ZCCHC14: variants seen among roughly 807,000 people sequenced by gnomAD.
ZCCHC14 encodes the protein zinc finger CCHC domain-containing protein 14.
In ZCCHC14, 16 loss-of-function variants were observed where a neutral mutation model predicts 85.0. The observed-to-expected ratio is 0.19, with a 90% CI of 0.13 to 0.29. ZCCHC14 has a LOEUF of 0.29. Ranked by LOEUF, ZCCHC14 falls within the 10% of genes least tolerant of loss-of-function variation. The pLI, the probability that ZCCHC14 is intolerant of heterozygous loss-of-function variation, is 1.00. For synonymous variants in ZCCHC14, 775 were observed against 630.7 expected, an observed-to-expected ratio of 1.23 and a Z score of -3.43; for missense variants, 1,303 against 1,443.5, an observed-to-expected ratio of 0.90 and a Z score of 1.58.
At chr16:87,471,695 C>T (rs1911780141) in intron 1 of ZCCHC14, 1 of 152,268 alleles carries the variant, frequency 6.6e-6, no homozygotes, top group Non-Finnish European at 1.5e-5. Context: ...CCAACACACC[C>T]AGAATCCCTG....
intron 1 of ZCCHC14, among the ~76,000 whole-genome samples, chr16:87,460,372 G>C (rs545483860): frequency 6.6e-5 from 10 of 152,246 alleles, no homozygotes; most frequent in Admixed American, 2.0e-4. Context: ...TGTGGCTGGG[G>C]TTCATCGGGT....
intron 3 of ZCCHC14, among the ~76,000 whole-genome samples, chr16:87,424,225 G>A (rs77210016): frequency 0.015 from 2,293 of 152,322 alleles, 29 homozygotes; most frequent in Non-Finnish European, 0.025. Context: ...CTTCTTAAGT[G>A]AGCCTATGTG....
At chr16:87,414,613 G>C in intron 9 of ZCCHC14, 72 bp from the exon 10 acceptor site, 1 of 1,529,872 alleles carries the variant, frequency 6.5e-7, no homozygotes, top group Non-Finnish European at 8.8e-7. Flanking sequence ...GCTTCAAGAC[G>C]GGTCTACTCC....
intron 7 of ZCCHC14, among the ~76,000 whole-genome samples, chr16:87,418,294 T>G (rs1318572011): frequency 6.6e-6 from 1 of 152,220 alleles, no homozygotes; most frequent in Non-Finnish European, 1.5e-5. Context: ...ACTCTGGCCT[T>G]GCTCCTTAAC....
intron 2 of ZCCHC14, among the ~76,000 whole-genome samples, chr16:87,445,699 C>T (rs955042972): frequency 6.6e-6 from 1 of 152,132 alleles, no homozygotes; most frequent in Non-Finnish European, 1.5e-5. Flanking sequence ...GATGACGCGC[C>T]GACCTGAGAA....
chr16:87,411,453 C>CA, intron 12 of ZCCHC14, 63 bp downstream of exon 12: 3 of 1,567,426 alleles, frequency 1.9e-6, no homozygotes, highest in Non-Finnish European at 2.6e-6. Context: ...TTCATAAAAA[C>CA]CAAGCATTTG....
At chr16:87,464,530 C>T (rs1453505873) in intron 1 of ZCCHC14, among the ~76,000 whole-genome samples, 2 of 152,150 alleles carry the variant, frequency 1.3e-5, no homozygotes, top group Non-Finnish European at 2.9e-5. Flanking sequence ...GCTGTAGGTC[C>T]GTCTGCCACA....
chr16:87,416,962 A>G (rs1205436405), intron 8 of ZCCHC14, among the ~76,000 whole-genome samples: 2 of 152,228 alleles, frequency 1.3e-5, no homozygotes, highest in Non-Finnish European at 2.9e-5. Flanking sequence ...TATGGGTTTA[A>G]TCTAGTTTTA....
chr16:87,453,933 G>A (rs1219684537), intron 2 of ZCCHC14, among the ~76,000 whole-genome samples: 1 of 152,154 alleles, frequency 6.6e-6, no homozygotes, highest in Non-Finnish European at 1.5e-5. Flanking sequence ...CACAATACAT[G>A]AATGGACAGA....
At chr16:87,485,644 G>C (rs1007358653) in intron 1 of ZCCHC14, among the ~76,000 whole-genome samples, 1 of 149,746 alleles carries the variant, frequency 6.7e-6, no homozygotes. Flanking sequence ...ATCCCTCTAA[G>C]GTGGGGGGCG....
chr16:87,472,960 C>G (rs184729925), intron 1 of ZCCHC14: 2 of 152,252 alleles, frequency 1.3e-5, no homozygotes, highest in East Asian at 3.9e-4. Context: ...GAGATCCTCC[C>G]AACTCAGCCT....
In ZCCHC14 at chr16:87,492,369, G is replaced by A. The variant is rs1241970050; in HGVS notation, c.-131C>T. ...GCCGGGGCCGGGTCCGGGCGAGGGC[G>A]CGCGGGCGCCGCGGGCCGGGCGGGC... On this transcript the variant is annotated 5_prime_UTR_variant, in exon 1 of 13. Transcript: ENST00000671377. This position sits in a 1 kb window ranked among gnomAD's most constrained non-coding sequence, Gnocchi z 6.7. 6.5e-6 allele frequency: 1 copy of A among 154,074 alleles called. No individual in the cohort carries two copies. Among genetic ancestry groups the A allele is most frequent in the East Asian group, 2.0e-4 (1 of 4,936 alleles). 9.5% of individuals were successfully genotyped at this position (154,074 alleles called of 1,614,324 possible). A position where few individuals can be genotyped will look rare whatever the true frequency, so the allele number is the denominator to read the frequency against.
chr16:87,491,681 TG>T lies in ZCCHC14; in HGVS notation c.557del (p.Pro186GlnfsTer41). 7.1e-7 allele frequency: 1 copy of T among 1,415,716 alleles called. No homozygotes were observed. The highest frequency in any genetic ancestry group is 9.2e-7 in the Non-Finnish European group (1 of 1,091,046). The allele number at this position is 1,415,716 out of a possible 1,614,324, so 87.7% of individuals were successfully genotyped here. Reference sequence around the variant, plus strand: ...GGCGGGCACGCACCTTGTGGCAGGCTGGGCAAGTGGGCAGCGCGCCGCCCGG... The same window carrying T: ...GGCGGGCACGCACCTTGTGGCAGGCTGGCAAGTGGGCAGCGCGCCGCCCGG... ...PGPGGALPTCPACHKITPRTE... is the reference protein window; with the variant it reads ...PGPGGALPTCXACHKITPRTE... On this transcript the variant is annotated frameshift_variant, in exon 1 of 13. Coordinates refer to ENST00000671377, the MANE Select transcript of ZCCHC14 (RefSeq NM_015144.3). LOFTEE classifies it high-confidence loss of function. This position sits in a 1 kb window ranked among gnomAD's most constrained non-coding sequence, Gnocchi z 5.9.
intron 1 of ZCCHC14, among the ~76,000 whole-genome samples, chr16:87,465,793 A>C (rs747299489): frequency 6.6e-6 from 1 of 152,182 alleles, no homozygotes; most frequent in African/African-American, 2.4e-5. Context: ...CACCATGATC[A>C]AAACAGTCAA....
chr16:87,477,134 AAAAAAAACAAAAC>A lies in ZCCHC14; in HGVS notation c.570+14522_570+14534del, dbSNP rs1356561038. 4.9e-3 allele frequency among the ~76,000 whole-genome samples: 704 copies of A among 144,176 alleles called. 74 individuals are homozygous for A. The highest frequency in any genetic ancestry group is 0.019 in the African/African-American group (683 of 35,984). 94.6% of individuals were successfully genotyped at this position (144,176 alleles called of 152,430 possible). A position where few individuals can be genotyped will look rare whatever the true frequency, so the allele number is the denominator to read the frequency against. On this transcript the variant is annotated intron_variant, in intron 1 of 12. Transcript: ENST00000671377. ...AGACTCAGTCTCAAAAAAAAAAAAA[AAAAAAAACAAAAC>A]AAAACCAAAAAAAAATTGAAGTGGT...
In ZCCHC14 at chr16:87,408,347, C is replaced by T. The variant is rs1353350370; in HGVS notation, c.*1933G>A. Reference sequence around the variant, plus strand: ...AAATTTAAAAGTTTGGCTTTCAGCACATATCCAGGCCACTGTAATGGCCTT... The same window carrying T: ...AAATTTAAAAGTTTGGCTTTCAGCATATATCCAGGCCACTGTAATGGCCTT... On this transcript the variant is annotated 3_prime_UTR_variant, in exon 13 of 13. Transcript: ENST00000671377. 1.3e-5 allele frequency: 2 copies of T among 152,526 alleles called. No individual in the cohort carries two copies. The highest frequency in any genetic ancestry group is 4.8e-5 in the African/African-American group (2 of 41,444). 9.4% of individuals were successfully genotyped at this position (152,526 alleles called of 1,614,324 possible). A position where few individuals can be genotyped will look rare whatever the true frequency, so the allele number is the denominator to read the frequency against.
intron 2 of ZCCHC14, 66 bp downstream of exon 2, chr16:87,459,942 G>T (rs556257083): frequency 6.2e-7 from 1 of 1,602,682 alleles, no homozygotes; most frequent in African/African-American, 1.3e-5. Flanking sequence ...ATGCCCTCAC[G>T]GGGATCTGGG....
intron 2 of ZCCHC14, among the ~76,000 whole-genome samples, chr16:87,453,646 C>G (rs77196291): frequency 0.016 from 2,467 of 152,348 alleles, 25 homozygotes; most frequent in Middle Eastern, 0.048. Flanking sequence ...TGCCTGCCCC[C>G]ACCAGCAGAA....
chr16:87,433,864 A>T (rs969593735), intron 2 of ZCCHC14, among the ~76,000 whole-genome samples: 1 of 151,760 alleles, frequency 6.6e-6, no homozygotes, highest in Non-Finnish European at 1.5e-5. Context: ...AGTTGGTCTC[A>T]AACTCCTGAC....
Sources: gnomAD v4.1 joint callset for allele counts (sites outside exome capture counted in the v4.1 genomes callset) on GRCh38, gnomAD v4.1.1 for gene constraint, Gnocchi (gnomAD v3.1) non-coding constraint, MANE v1.5 for transcripts, NCBI Gene and HGNC (gene_info 2026-07-23, HGNC 2026-07-21) for gene names.